LIPI: variants seen among roughly 807,000 people sequenced by gnomAD.
The protein encoded by LIPI is lipase member I.
Under a neutral mutation model 50.6 loss-of-function variants are expected in LIPI, and 59 were observed. That is an observed-to-expected ratio of 1.16 (90% confidence interval 0.94 to 1.45). The LOEUF is 1.45. Among genes scored for constraint, LIPI ranks in the 40% most tolerant of loss-of-function variants. LIPI has a pLI of 0.00. For missense variants in LIPI, 586 were observed against 536.3 expected (o/e 1.09, Z -0.92); for synonymous variants, 203 against 178.2 (o/e 1.14, Z -1.11).
intron 6 of LIPI, among the ~76,000 whole-genome samples, chr21:14,163,880 T>C (rs558257103): frequency 6.6e-6 from 1 of 151,742 alleles, no homozygotes; most frequent in East Asian, 1.9e-4. Context: ...TACATAAAAC[T>C]TAAACATACA....
intron 9 of LIPI, among the ~76,000 whole-genome samples, chr21:14,142,428 A>G (rs1419218475): frequency 2.4e-4 from 36 of 150,020 alleles, no homozygotes. Flanking sequence ...TATAGATTAT[A>G]ATAATTATGT....
chr21:14,147,905 G>T (rs1043720383), intron 8 of LIPI, among the ~76,000 whole-genome samples: 3 of 152,016 alleles, frequency 2.0e-5, no homozygotes, highest in African/African-American at 7.2e-5. Context: ...TCTTTCATAT[G>T]AATTATCACA....
At chr21:14,163,806 T>C (rs2018579978) in intron 6 of LIPI, among the ~76,000 whole-genome samples, 1 of 151,954 alleles carries the variant, frequency 6.6e-6, no homozygotes, top group African/African-American at 2.4e-5. Flanking sequence ...GTAGAAGTTT[T>C]ACTGTTATAA....
chr21:14,190,038 A>G (rs964232001), intron 1 of LIPI, among the ~76,000 whole-genome samples: 1 of 152,138 alleles, frequency 6.6e-6, no homozygotes, highest in Non-Finnish European at 1.5e-5. Flanking sequence ...ACCATTTGTA[A>G]TAAGTGTAAA....
chr21:14,162,411 T>C (rs527854230), intron 7 of LIPI, among the ~76,000 whole-genome samples: 2 of 151,814 alleles, frequency 1.3e-5, no homozygotes, highest in South Asian at 2.1e-4. Context: ...GCCCTATAAA[T>C]ATGACTATTT....
At chr21:14,197,800 C>A (rs921345249) in intron 1 of LIPI, among the ~76,000 whole-genome samples, 14 of 151,808 alleles carry the variant, frequency 9.2e-5, no homozygotes, top group Admixed American at 6.6e-4. Flanking sequence ...AGAAGATCAT[C>A]CCCAAGACAC....
chr21:14,184,744 G>T (rs2019395273), intron 3 of LIPI, among the ~76,000 whole-genome samples: 1 of 152,160 alleles, frequency 6.6e-6, no homozygotes, highest in South Asian at 2.1e-4. Flanking sequence ...TACAAATTGA[G>T]CAAGTGTGGT....
At chr21:14,207,058 T>G in intron 1 of LIPI, 1 of 682,146 alleles carries the variant, frequency 1.5e-6, no homozygotes, top group Non-Finnish European at 2.7e-6. Flanking sequence ...GTGGCTTCTA[T>G]GGCCACAGAG....
chr21:14,156,251 G>T (rs536771279), intron 7 of LIPI, among the ~76,000 whole-genome samples: 1 of 151,820 alleles, frequency 6.6e-6, no homozygotes, highest in Non-Finnish European at 1.5e-5. Flanking sequence ...TTAAAATAGC[G>T]ACATTTTATT....
At chr21:14,176,286 A>T (rs950988869) in intron 4 of LIPI, among the ~76,000 whole-genome samples, 1 of 151,736 alleles carries the variant, frequency 6.6e-6, no homozygotes. Context: ...TCTGCAATTC[A>T]TAATTTTTAT....
chr21:14,127,349 AC>A, intron 9 of LIPI, among the ~76,000 whole-genome samples: 1 of 152,340 alleles, frequency 6.6e-6, no homozygotes, highest in East Asian at 1.9e-4. Context: ...ACTTAAGCAT[AC>A]ATTGATCCAA....
chr21:14,119,999 A>C (rs2123332377), intron 9 of LIPI, among the ~76,000 whole-genome samples: 1 of 152,298 alleles, frequency 6.6e-6, no homozygotes, highest in Admixed American at 6.5e-5. Context: ...CTCCTATGTG[A>C]GAATACATAC....
chr21:14,136,183 T>G (rs1038704444), intron 9 of LIPI, among the ~76,000 whole-genome samples: 1 of 152,166 alleles, frequency 6.6e-6, no homozygotes. Flanking sequence ...AGGTACTGCA[T>G]GGAGGGCCTT....
At chr21:14,176,602 T>G (rs980371542) in intron 4 of LIPI, among the ~76,000 whole-genome samples, 1 of 151,810 alleles carries the variant, frequency 6.6e-6, no homozygotes, top group African/African-American at 2.4e-5. Flanking sequence ...TAGTTATATT[T>G]TTGTTATTTA....
chr21:14,203,345 A>G (rs998893612), intron 1 of LIPI, among the ~76,000 whole-genome samples: 2 of 152,186 alleles, frequency 1.3e-5, no homozygotes, highest in African/African-American at 4.8e-5. Context: ...TATATACCCA[A>G]AGGATTATAA....
rs1600884394 is a variant in LIPI at position 14,165,289 on chromosome 21, T to C, written c.835A>G (p.Lys279Glu). Reference protein sequence around the residue: ...NFISFPCRSYKDYKTSLCVDC... With the variant: ...NFISFPCRSYEDYKTSLCVDC... ...ACACATAAGCTAGTCTTGTAATCTT[T>C]GTATGAACGACAAGGAAATGAAATA... The change falls in exon 6 of 10, where the codon AAA becomes GAA. Residue 279 changes from lysine (K) to glutamate (E), a missense_variant. Lys to Glu is a moderately conservative substitution (Grantham distance 56, BLOSUM62 1). Transcript: ENST00000681601. The C allele has an allele frequency of 7.4e-6, 12 of 1,612,994 alleles. No homozygotes were observed. Among genetic ancestry groups the C allele is most frequent in the Non-Finnish European group, 1.0e-5 (12 of 1,179,168 alleles).
intron 9 of LIPI, among the ~76,000 whole-genome samples, chr21:14,131,805 A>G (rs2017306135): frequency 6.6e-6 from 1 of 152,224 alleles, no homozygotes; most frequent in Non-Finnish European, 1.5e-5. Flanking sequence ...GAAGACTCAT[A>G]CAAAGACATC....
chr21:14,132,366 T>C (rs568756128), intron 9 of LIPI, among the ~76,000 whole-genome samples: 2 of 152,156 alleles, frequency 1.3e-5, no homozygotes, highest in African/African-American at 2.4e-5. Context: ...AACAGACTTT[T>C]TAGCAGAAAC....
At chr21:14,193,116 CTGTAAAGAA>C (rs1402087023) in intron 1 of LIPI, among the ~76,000 whole-genome samples, 1 of 151,848 alleles carries the variant, frequency 6.6e-6, no homozygotes, top group African/African-American at 2.4e-5. Context: ...GAGAGTGGAA[CTGTAAAGAA>C]GTAGAGAATT....
Sources: allele counts gnomAD v4.1 joint callset (sites outside exome capture counted in the v4.1 genomes callset), GRCh38; gene constraint gnomAD v4.1.1; transcripts MANE v1.5; gene names NCBI Gene and HGNC (gene_info 2026-07-23, HGNC 2026-07-21).